Variants in CCDC78 observed in about 807,000 individuals in gnomAD.
CCDC78 encodes the protein coiled-coil domain-containing protein 78.
Under a neutral mutation model 61.9 loss-of-function variants are expected in CCDC78, and 78 were observed. That is an observed-to-expected ratio of 1.26 (90% CI 1.05 to 1.52). The LOEUF (loss-of-function observed/expected upper bound fraction) is 1.52, where lower values mean the gene tolerates loss of function less well. CCDC78 is among the 40% of genes most tolerant of loss of function. The pLI, the probability that CCDC78 is intolerant of heterozygous loss-of-function variation, is 0.00. For missense variants in CCDC78, 737 were observed against 615.5 expected (o/e 1.20, Z -2.09); for synonymous variants, 287 against 251.9 (o/e 1.14, Z -1.32).
chr16:725,058 C>A lies in CCDC78; in HGVS notation c.560+20G>T, dbSNP rs2040727602. On this transcript the variant is annotated intron_variant, in intron 6 of 13. Transcript: ENST00000345165. The stretch of plus-strand genomic sequence containing the variant: ...TTCTCTCTGCTCCAGGATGGGGCCC[C>A]AGGTGAGATGGCCACTCACACACGC... 5 of 1,612,518 alleles carry A rather than the reference C, an allele frequency of 3.1e-6. No homozygotes were observed. In the South Asian group the frequency reaches 4.4e-5, roughly 14 times the overall value.
chr16:723,229 C>A, intron 11 of CCDC78, 68 bp from the exon 12 acceptor site: 1 of 1,538,700 alleles, frequency 6.5e-7, no homozygotes, highest in Non-Finnish European at 8.9e-7. Context: ...CAGACGTGAC[C>A]GTGCTGAGTC....
chr16:725,182 G>C, intron 5 of CCDC78, 37 bp from the exon 6 acceptor site: 1 of 1,612,072 alleles, frequency 6.2e-7, no homozygotes, highest in Non-Finnish European at 8.5e-7. Context: ...TGAGACCCTA[G>C]GCTTGGGGTC....
chr16:723,716 G>T (rs1172018095), intron 11 of CCDC78, 141 bp downstream of exon 11: 9 of 763,874 alleles, frequency 1.2e-5, no homozygotes, highest in African/African-American at 5.1e-5. Context: ...CCCCAGGGTG[G>T]GGATGTGCCA....
rs2040879646 is a variant in CCDC78 at position 725,948 on chromosome 16, C to G, written c.180+18G>C. 1 of 1,564,108 alleles carries G rather than the reference C, an allele frequency of 6.4e-7. No individual in the cohort carries two copies. Among genetic ancestry groups the G allele is most frequent in the Non-Finnish European group, 8.7e-7 (1 of 1,153,580 alleles). ...GGCACCCTCCCTCCTCACGAGCACG[C>G]TGGGGCCCCACACCCACCTGCAGCT... On this transcript the variant is annotated intron_variant, in intron 2 of 13. Coordinates refer to ENST00000345165, the MANE Select transcript of CCDC78 (RefSeq NM_001378030.1).
rs1410762750 is a variant in CCDC78 at position 723,160 on chromosome 16, C to T, written c.1135G>A (p.Gly379Ser). The change falls in exon 12 of 14, where the codon GGC (glycine) becomes AGC (serine). Residue 379 changes from glycine (G) to serine (S), a missense_variant and splice_region_variant. By Grantham distance (56) the Gly-to-Ser change is moderately conservative (BLOSUM62 0). Coordinates refer to ENST00000345165, the MANE Select transcript of CCDC78 (RefSeq NM_001378030.1). The stretch of plus-strand genomic sequence containing the variant: ...TGGGCCCAGGATGCAGCGTCCAGGC[C>T]CCTGTGAGGGGAGAGGAAAGGAGGA... ...ASQGGTSEPQ[G>S]LDAASWAQIH... 3 of 1,612,492 alleles carry T rather than the reference C, an allele frequency of 1.9e-6. No homozygotes were observed. In the East Asian group the frequency reaches 6.7e-5, roughly 36 times the overall value.
chr16:723,276 G>C (rs1226585604), intron 11 of CCDC78, 115 bp from the exon 12 acceptor site: 2 of 1,161,982 alleles, frequency 1.7e-6, no homozygotes, highest in Non-Finnish European at 2.5e-6. Context: ...CTGGGAGTGA[G>C]TGAGGGAGGC....
rs200531006 is a variant in CCDC78, at chr16:725,161, G to T, written c.493-16C>A. On this transcript the variant is annotated splice_polypyrimidine_tract_variant and intron_variant, in intron 5 of 13. Coordinates refer to ENST00000345165, the MANE Select transcript of CCDC78 (RefSeq NM_001378030.1). ...CCCCCTGCAGCTGTGGGGCACACAG[G>T]GCTGGCTGGATGAGACCCTAGGCTT... The T allele has an allele frequency of 6.2e-7, 1 of 1,612,634 alleles. No individual in the cohort carries two copies. Among genetic ancestry groups the T allele is most frequent in the South Asian group, 1.1e-5 (1 of 91,080 alleles).
rs781450837 is a variant in CCDC78 at position 724,795 on chromosome 16, G to A, written c.651C>T (p.Ser217=). 4 of 1,612,134 alleles carry A rather than the reference G, an allele frequency of 2.5e-6. No individual in the cohort carries two copies. Among genetic ancestry groups the A allele is most frequent in the Non-Finnish European group, 3.4e-6 (4 of 1,179,788 alleles). Residue 217 remains serine (S), a synonymous_variant, in exon 8 of 14, where the codon AGC becomes AGT. Coordinates refer to ENST00000345165, the MANE Select transcript of CCDC78 (RefSeq NM_001378030.1). Reference sequence around the variant, plus strand: ...CTGCCTGACGGAGCTGGCCTTGGCAGCTGCACAGCACCTGGGGTGGAAGCA... The same window carrying A: ...CTGCCTGACGGAGCTGGCCTTGGCAACTGCACAGCACCTGGGGTGGAAGCA... ...RLATQAVVLC[S]CQGQLRQAEA... is the part of the protein sequence containing the mutation.
In CCDC78 at chr16:723,876, C is replaced by T. The variant is rs780209156; in HGVS notation, c.1114G>A (p.Gly372Arg). The T allele has an allele frequency of 8.8e-6, 14 of 1,595,480 alleles. No homozygotes were observed. In the East Asian group the frequency reaches 3.2e-4, roughly 36 times the overall value. Reference protein sequence around the residue: ...PKKRPGGASQGGTSEPQGLDA... With the variant: ...PKKRPGGASQRGTSEPQGLDA... ...ACTCACTGTGGCTCTGATGTTCCCCCCTGGGAGGCTCCACCGGGTCTCTTT... is the reference window on the plus strand; with the variant it reads ...ACTCACTGTGGCTCTGATGTTCCCCTCTGGGAGGCTCCACCGGGTCTCTTT... The change falls in exon 11 of 14, where the codon GGG becomes AGG. Residue 372 changes from glycine (G) to arginine (R), a missense_variant. Gly to Arg is a moderately radical substitution (Grantham distance 125). Coordinates refer to ENST00000345165, the MANE Select transcript of CCDC78 (RefSeq NM_001378030.1).
rs751900643 is a variant in CCDC78 at position 723,916 on chromosome 16, C to G, written c.1074G>C (p.Leu358=). The G allele has an allele frequency of 6.2e-7, 1 of 1,601,048 alleles. No individual in the cohort carries two copies. The highest frequency in any genetic ancestry group is 1.1e-5 in the South Asian group (1 of 89,302). ...CGGGTCTCTTTTTTGGGGATGAGAGCAGTGCCCCAGGCCCGCCGTGCTACA... is the reference window on the plus strand; with the variant it reads ...CGGGTCTCTTTTTTGGGGATGAGAGGAGTGCCCCAGGCCCGCCGTGCTACA... ...REDQHGGPGA[L]LSSPKKRPGG... is the part of the protein sequence containing the mutation. The change falls in exon 11 of 14, where the codon CTG becomes CTC. Residue 358 remains leucine, a synonymous_variant. Transcript: ENST00000345165.
Position 725,351 on chromosome 16 carries a change from G to A in CCDC78, c.436-58C>T, listed in dbSNP as rs2040778140. 1.9e-6 allele frequency: 3 copies of A among 1,611,220 alleles called. No individual in the cohort carries two copies. In the South Asian group the frequency reaches 3.3e-5, roughly 18 times the overall value. On this transcript the variant is annotated intron_variant, in intron 4 of 13. Transcript: ENST00000345165. ...GGTGGGTGAGCCCCAGTTTCACTGA[G>A]GCCCCTGCTGAGGCTTCCCTCTGGC...
Position 725,455 on chromosome 16 carries a change from G to C in CCDC78, c.393C>G (p.His131Gln). 1 of 1,612,796 alleles carries C rather than the reference G, an allele frequency of 6.2e-7. No homozygotes were observed. Among genetic ancestry groups the C allele is most frequent in the Non-Finnish European group, 8.5e-7 (1 of 1,179,974 alleles). Residue 131 changes from histidine (H) to glutamine (Q), a missense_variant, in exon 4 of 14, where the codon CAC becomes CAG. His to Gln is a conservative substitution (Grantham distance 24). Transcript: ENST00000345165. Reference sequence around the variant, plus strand: ...CAGAGTGTCCAGGCACCTGGGCTTTGTGTCTGAGCTCTTGGGCTGCTGCCC... The same window carrying C: ...CAGAGTGTCCAGGCACCTGGGCTTTCTGTCTGAGCTCTTGGGCTGCTGCCC... ...HPRAAAQELR[H>Q]KAQVPGHSDD...
chr16:722,823 C>T (rs1567310879), intron 13 of CCDC78, 34 bp from the exon 14 acceptor site: 11 of 1,610,736 alleles, frequency 6.8e-6, no homozygotes, highest in African/African-American at 5.3e-5. Context: ...GTGACTTGCC[C>T]AGCTGTGGAC....
intron 1 of CCDC78, 39 bp from the exon 2 acceptor site, chr16:726,124 A>G: frequency 6.5e-7 from 1 of 1,549,800 alleles, no homozygotes; most frequent in Non-Finnish European, 8.7e-7. Flanking sequence ...GGTGGGTCCC[A>G]GGCTGGGCTG....
At chr16:723,244 T>C (rs2040405093) in intron 11 of CCDC78, 83 bp from the exon 12 acceptor site, 1 of 1,464,984 alleles carries the variant, frequency 6.8e-7, no homozygotes, top group South Asian at 1.2e-5. Flanking sequence ...TGAGTCAGGT[T>C]CCCAGAGCCG....
rs780209156 is a variant in CCDC78 at position 723,876 on chromosome 16, C to G, written c.1114G>C (p.Gly372Arg). 1.4e-5 allele frequency: 22 copies of G among 1,595,362 alleles called. No individual in the cohort carries two copies. Among genetic ancestry groups the G allele is most frequent in the African/African-American group, 2.7e-5 (2 of 74,542 alleles). ...ACTCACTGTGGCTCTGATGTTCCCC[C>G]CTGGGAGGCTCCACCGGGTCTCTTT... ...PKKRPGGASQ[G>R]GTSEPQGLDA... Residue 372 changes from glycine to arginine, a missense_variant, in exon 11 of 14, where the codon GGG (glycine) becomes CGG (arginine). Coordinates refer to ENST00000345165, the MANE Select transcript of CCDC78 (RefSeq NM_001378030.1).
rs754521089 is a variant in CCDC78 at position 726,288 on chromosome 16, G to T, written c.60+20C>A. ...AGACTTCAACCCCATGGCAGGAGCG[G>T]CAAGTCCCAGAGGACTCACATTCTC... is the stretch of plus-strand genomic sequence containing the variant. On this transcript the variant is annotated intron_variant, in intron 1 of 13. Coordinates refer to ENST00000345165, the MANE Select transcript of CCDC78 (RefSeq NM_001378030.1). 7 of 1,549,146 alleles carry T rather than the reference G, an allele frequency of 4.5e-6. No individual in the cohort carries two copies. The highest frequency in any genetic ancestry group is 6.1e-6 in the Non-Finnish European group (7 of 1,146,778).
rs775953299 is a variant in CCDC78, at chr16:725,477, G to T, written c.371C>A (p.Ala124Glu). 1.9e-6 allele frequency: 3 copies of T among 1,612,616 alleles called. No homozygotes were observed. The African/African-American group carries it at 4.0e-5, about 22-fold the overall frequency. ...PVESDPRHPR[A>E]AAQELRHKAQ... ...TTTGTGTCTGAGCTCTTGGGCTGCTGCCCGGGGATGCCTGGGGTCAGACTC... is the reference window on the plus strand; with the variant it reads ...TTTGTGTCTGAGCTCTTGGGCTGCTTCCCGGGGATGCCTGGGGTCAGACTC... Residue 124 changes from alanine to glutamate, a missense_variant, in exon 4 of 14, where the codon GCA (alanine) becomes GAA (glutamate). Coordinates refer to ENST00000345165, the MANE Select transcript of CCDC78 (RefSeq NM_001378030.1).
At chr16:726,707 C>T (rs2040976648), upstream of CCDC78, 1 of 461,454 alleles carries the variant, frequency 2.2e-6, no homozygotes, top group Non-Finnish European at 4.0e-6. Context: ...CGCAGGATGC[C>T]CTGAGCTACA....
Sources: gnomAD v4.1 joint callset for allele counts on GRCh38, gnomAD v4.1.1 for gene constraint, MANE v1.5 for transcripts, NCBI Gene and HGNC (gene_info 2026-07-23, HGNC 2026-07-21) for gene names.